Variants in RP1 observed in about 807,000 individuals in gnomAD.
RP1 encodes oxygen-regulated protein 1.
Under a neutral mutation model 14.8 loss-of-function variants are expected in RP1, and 16 were observed. The observed-to-expected ratio is 1.08, with a 90% CI of 0.73 to 1.65. RP1 has a LOEUF of 1.65. Ranked by LOEUF, RP1 falls within the 40% of genes most tolerant of loss-of-function variation. RP1 has a pLI of 0.00. For missense variants in RP1, 2,631 were observed against 2,535.0 expected (o/e 1.04, Z -0.81); for synonymous variants, 876 against 883.6 (o/e 0.99, Z 0.15).
intron 2 of RP1, among the ~76,000 whole-genome samples, chr8:54,621,819 T>C (rs1427657652): frequency 1.3e-5 from 2 of 152,166 alleles, no homozygotes; most frequent in African/African-American, 2.4e-5. Flanking sequence ...AGTTACATAA[T>C]GTTTTCACAT....
At chr8:54,731,858 TCACTGTCTAGTGTCTA>T (rs1197007054) in intron 17 of RP1, among the ~76,000 whole-genome samples, 4 of 152,228 alleles carry the variant, frequency 2.6e-5, no homozygotes, top group Non-Finnish European at 4.4e-5. Flanking sequence ...GTATGTTTGT[TCACTGTCTAGTGTCTA>T]TTGTTTGTTC....
intron 13 of RP1, among the ~76,000 whole-genome samples, chr8:54,700,121 CA>C (rs1410167590): frequency 2.6e-5 from 4 of 151,856 alleles, no homozygotes; most frequent in African/African-American, 9.7e-5. Context: ...CACAGAGTCA[CA>C]AGCTAGTAAG....
chr8:54,802,396 T>C (rs1391087151), intron 24 of RP1, among the ~76,000 whole-genome samples: 1 of 152,074 alleles, frequency 6.6e-6, no homozygotes, highest in Non-Finnish European at 1.5e-5. Flanking sequence ...CAATAGAAAA[T>C]GTTAAGCATT....
Position 54,629,458 on chromosome 8 carries a change from A to T in RP1, c.5576A>T (p.Gln1859Leu). Reference protein sequence around the residue: ...NHHTEEKGSHQSERVCTSVTH... With the variant: ...NHHTEEKGSHLSERVCTSVTH... Reference sequence around the variant, plus strand: ...CATACAGAGGAGAAGGGTAGTCATCAGTCAGAAAGAGTATGCACATCTGTC... The same window carrying T: ...CATACAGAGGAGAAGGGTAGTCATCTGTCAGAAAGAGTATGCACATCTGTC... The change falls in exon 4 of 4, where the codon CAG (glutamine) becomes CTG (leucine). Residue 1859 changes from glutamine to leucine, a missense_variant. By Grantham distance (113) the Gln-to-Leu change is moderately radical. Transcript: ENST00000220676. 6.2e-7 allele frequency: 1 copy of T among 1,614,170 alleles called. No individual in the cohort carries two copies. The highest frequency in any genetic ancestry group is 8.5e-7 in the Non-Finnish European group (1 of 1,179,994).
intron 27 of RP1, among the ~76,000 whole-genome samples, chr8:54,864,415 T>G (rs926656632): frequency 2.0e-5 from 3 of 152,190 alleles, no homozygotes; most frequent in Admixed American, 2.0e-4. Flanking sequence ...AAATAAAACA[T>G]TTTAATTTTC....
intron 6 of RP1, among the ~76,000 whole-genome samples, chr8:54,660,668 G>T (rs1011787350): frequency 6.6e-6 from 1 of 151,920 alleles, no homozygotes; most frequent in Non-Finnish European, 1.5e-5. Flanking sequence ...GGTTTCTGGG[G>T]TTCTCACAAA....
intron 12 of RP1, among the ~76,000 whole-genome samples, chr8:54,694,059 T>C (rs1315266817): frequency 6.6e-6 from 1 of 152,332 alleles, no homozygotes; most frequent in African/African-American, 2.4e-5. Flanking sequence ...AGGCCTTTTC[T>C]GCATTTACTG....
chr8:54,680,338 A>T (rs1807397286), intron 12 of RP1, among the ~76,000 whole-genome samples: 1 of 152,212 alleles, frequency 6.6e-6, no homozygotes, highest in Non-Finnish European at 1.5e-5. Context: ...CAAAGGAAAA[A>T]CAAGGCAAGG....
At chr8:54,714,983 AGT>A (rs1808367939) in intron 15 of RP1, among the ~76,000 whole-genome samples, 1 of 152,262 alleles carries the variant, frequency 6.6e-6, no homozygotes, top group Non-Finnish European at 1.5e-5. Flanking sequence ...ATAATACTCC[AGT>A]GTGTAGAATG....
downstream of RP1, among the ~76,000 whole-genome samples, chr8:54,772,871 G>A (rs1809944242): frequency 6.6e-6 from 1 of 152,110 alleles, no homozygotes; most frequent in African/African-American, 2.4e-5. Flanking sequence ...TATTAAGCTA[G>A]ATTTAGCTTT....
intron 23 of RP1, chr8:54,780,931 T>G: frequency 2.0e-6 from 2 of 985,236 alleles, no homozygotes; most frequent in Non-Finnish European, 2.4e-6. Flanking sequence ...TACTTCTCAT[T>G]GTAAATATGG....
chr8:54,746,202 G>C (rs769153509), intron 19 of RP1, among the ~76,000 whole-genome samples: 2 of 152,150 alleles, frequency 1.3e-5, no homozygotes, highest in Non-Finnish European at 2.9e-5. Flanking sequence ...TTCTAAACAA[G>C]TGTTTGTTGA....
At chr8:54,772,600 C>G (rs1200450075), downstream of RP1, among the ~76,000 whole-genome samples, 2 of 152,124 alleles carry the variant, frequency 1.3e-5, no homozygotes, top group Non-Finnish European at 2.9e-5. Context: ...CCTCCAGTAA[C>G]CCTATGGGAT....
chr8:54,597,790 T>C (rs567260521), intron 1 of RP1, among the ~76,000 whole-genome samples: 144 of 152,304 alleles, frequency 9.5e-4, no homozygotes, highest in South Asian at 2.1e-3. Context: ...TAGTCAAGTC[T>C]ATAAAGCCTA....
intron 26 of RP1, chr8:54,852,847 G>C: frequency 1.5e-6 from 1 of 682,224 alleles, no homozygotes; most frequent in Non-Finnish European, 2.1e-6. Context: ...GAGGAATTCA[G>C]GGAGGTGTGG....
intron 6 of RP1, among the ~76,000 whole-genome samples, chr8:54,657,140 T>G (rs1806772686): frequency 6.6e-6 from 1 of 152,222 alleles, no homozygotes; most frequent in South Asian, 2.1e-4. Flanking sequence ...AGCATTGTTC[T>G]CACCATTCAT....
intron 18 of RP1, among the ~76,000 whole-genome samples, chr8:54,736,872 C>G (rs1808941497): frequency 6.6e-6 from 1 of 152,108 alleles, no homozygotes; most frequent in Non-Finnish European, 1.5e-5. Flanking sequence ...TTGAGAAGCA[C>G]TGGCCTAGGG....
Position 54,865,950 on chromosome 8 carries a change from GCT to G in RP1, c.4151+39_4151+40del, listed in dbSNP as rs1448999107. 1.0e-5 allele frequency: 10 copies of G among 985,102 alleles called. 1 individual carries two copies. The highest frequency in any genetic ancestry group is 1.2e-5 in the Non-Finnish European group (9 of 762,926). The allele number at this position is 985,102 out of a possible 1,614,324, so 61.0% of individuals were successfully genotyped here. A position where few individuals can be genotyped will look rare whatever the true frequency, so the allele number is the denominator to read the frequency against. Reference sequence around the variant, plus strand: ...TTAATGCATTATTATGCAAAATTATGCTCTCTTTGTCCAATTTATTCCACCTG... The same window carrying G: ...TTAATGCATTATTATGCAAAATTATGCTCTTTGTCCAATTTATTCCACCTG... On this transcript the variant is annotated intron_variant, in intron 28 of 28. Transcript: ENST00000637698.
intron 1 of RP1, among the ~76,000 whole-genome samples, chr8:54,608,558 A>T (rs1356082712): frequency 6.6e-6 from 1 of 152,194 alleles, no homozygotes; most frequent in Non-Finnish European, 1.5e-5. Flanking sequence ...CATGGTAAAA[A>T]AAGAAGGGAG....
Sources: allele counts gnomAD v4.1 joint callset (sites outside exome capture counted in the v4.1 genomes callset), GRCh38; gene constraint gnomAD v4.1.1; transcripts MANE v1.5; gene names NCBI Gene and HGNC (gene_info 2026-07-23, HGNC 2026-07-21).